CLDN11: variants seen among roughly 807,000 people sequenced by gnomAD.
CLDN11 encodes claudin 11, also known as claudin-11.
CLDN11 carries 1 observed loss-of-function variant against 18.0 expected under a neutral mutation model. The observed-to-expected ratio is 0.06, with a 90% confidence interval of 0.02 to 0.26. The LOEUF is 0.26. CLDN11 is among the 10% of genes least tolerant of loss of function. The pLI, the probability that CLDN11 is intolerant of heterozygous loss-of-function variation, is 1.00. For synonymous variants in CLDN11, 116 were observed against 121.5 expected (o/e 0.96, Z 0.30); for missense variants, 172 against 276.6 (o/e 0.62, Z 2.68).
chr3:170,427,627 A>C (rs1025183616), intron 2 of CLDN11, among the ~76,000 whole-genome samples: 2 of 151,860 alleles, frequency 1.3e-5, no homozygotes, highest in Admixed American at 6.6e-5. Context: ...ATCTCAAAAA[A>C]ACAAAAAACA....
At chr3:170,432,442 G>T in intron 2 of CLDN11, 82 bp from the exon 3 acceptor site, 1 of 1,588,976 alleles carries the variant, frequency 6.3e-7, no homozygotes, top group Non-Finnish European at 8.5e-7. Flanking sequence ...CCACAAGTGT[G>T]TGTATGTGGA....
Position 170,432,878 on chromosome 3 carries a change from G to A in CLDN11, c.*122G>A, listed in dbSNP as rs1327424583. The A allele has an allele frequency of 1.6e-5, 14 of 893,152 alleles. 1 individual carries two copies. Among genetic ancestry groups the A allele is most frequent in the African/African-American group, 1.5e-4 (9 of 59,538 alleles). The allele number at this position is 893,152 out of a possible 1,614,324, so 55.3% of individuals were successfully genotyped here. On this transcript the variant is annotated 3_prime_UTR_variant, in exon 3 of 3. Transcript: ENST00000064724. ...GCTCTAAAGCCAAAGGTCTAGAAAA[G>A]CATCCTGTCTGGCATTTTGTAGTCT...
At position 170,434,468 on chromosome 3, in the gene CLDN11, C is replaced by A. The variant is rs1739086960; in HGVS notation, c.*1712C>A. On this transcript the variant is annotated 3_prime_UTR_variant, in exon 3 of 3. Transcript: ENST00000064724. The stretch of plus-strand genomic sequence containing the variant: ...AGGTATAAAAAGAGAATTAACGAAA[C>A]CTATTTTATTGGATCTTTAAGTAAT... Among the ~76,000 whole-genome samples the A allele has an allele frequency of 6.6e-6, 1 of 152,134 alleles. No homozygotes were observed. Among genetic ancestry groups the A allele is most frequent in the South Asian group, 2.1e-4 (1 of 4,824 alleles).
Position 170,432,766 on chromosome 3 carries a change from C to T in CLDN11, c.*10C>T, listed in dbSNP as rs748540588. On this transcript the variant is annotated 3_prime_UTR_variant, in exon 3 of 3. Transcript: ENST00000064724. Reference sequence around the variant, plus strand: ...GAGTGCCCACGTATAAGAGGGCTGCCCGGCTGCCCACAGAGGTGCTGTAGA... The same window carrying T: ...GAGTGCCCACGTATAAGAGGGCTGCTCGGCTGCCCACAGAGGTGCTGTAGA... The T allele has an allele frequency of 1.2e-6, 2 of 1,613,740 alleles. No individual in the cohort carries two copies. Among genetic ancestry groups the T allele is most frequent in the Admixed American group, 3.3e-5 (2 of 60,024 alleles).
intron 2 of CLDN11, 177 bp downstream of exon 2, chr3:170,423,504 G>T: frequency 1.6e-6 from 1 of 623,064 alleles, no homozygotes; most frequent in Non-Finnish European, 2.8e-6. Context: ...TTACACAGAG[G>T]GCTAAGTAAT....
At chr3:170,422,630 C>T (rs983512862) in intron 1 of CLDN11, among the ~76,000 whole-genome samples, 1 of 152,170 alleles carries the variant, frequency 6.6e-6, no homozygotes, top group African/African-American at 2.4e-5. Context: ...GCCCTGTTGG[C>T]CAGGCTGATC....
At position 170,427,859 on chromosome 3, in the gene CLDN11, GA is replaced by G. The variant is rs565369681; in HGVS notation, c.391+4538del. 5.8e-4 allele frequency among the ~76,000 whole-genome samples: 86 copies of G among 148,978 alleles called. 5 individuals are homozygous for G. The South Asian group carries it at 0.018, about 31-fold the overall frequency. On this transcript the variant is annotated intron_variant, in intron 2 of 2. Transcript: ENST00000064724. ...CTTTCAGTGGGAAGTGACAAAGCTT[GA>G]AAAAAGGTTCACTGGGGCCAGGCAT... is the stretch of plus-strand genomic sequence containing the variant.
At chr3:170,428,140 C>CA (rs34713746) in intron 2 of CLDN11, among the ~76,000 whole-genome samples, 36,609 of 106,596 alleles carry the variant, frequency 0.34, 5,586 homozygotes, top group East Asian at 0.62. Flanking sequence ...GATATCCTAT[C>CA]AAAAAAAAAA....
At chr3:170,421,444 T>G (rs1738723172) in intron 1 of CLDN11, 1 of 190,716 alleles carries the variant, frequency 5.2e-6, no homozygotes. Context: ...AGTAGACACT[T>G]GACTGATTAT....
intron 2 of CLDN11, among the ~76,000 whole-genome samples, chr3:170,429,361 G>GT: frequency 6.6e-6 from 1 of 152,286 alleles, no homozygotes; most frequent in East Asian, 1.9e-4. Flanking sequence ...GCCTTGTTTT[G>GT]TGTGAATTGT....
intron 2 of CLDN11, among the ~76,000 whole-genome samples, 175 bp from the exon 3 acceptor site, chr3:170,432,349 C>T (rs1739020760): frequency 6.6e-6 from 1 of 152,190 alleles, no homozygotes; most frequent in South Asian, 2.1e-4. Context: ...TCTACTTCTT[C>T]TACAGATGCC....
chr3:170,433,886 T>G lies in CLDN11; in HGVS notation c.*1130T>G, dbSNP rs141295233. On this transcript the variant is annotated 3_prime_UTR_variant, in exon 3 of 3. Coordinates refer to ENST00000064724, the MANE Select transcript of CLDN11 (RefSeq NM_005602.6). ...TTTTCATATGCTTCAAACTAACACA[T>G]TTTTAAAGCTTTCCCCCACTTTTCT... 3.8e-3 allele frequency: 578 copies of G among 152,764 alleles called. 3 individuals are homozygous for G. Among genetic ancestry groups the G allele is most frequent in the African/African-American group, 0.013 (538 of 41,588 alleles). 9.5% of individuals were successfully genotyped at this position (152,764 alleles called of 1,614,324 possible).
In CLDN11 at chr3:170,434,011, A is replaced by G. The variant is rs1041312497; in HGVS notation, c.*1255A>G. ...GTGTAAACACTGATGGTATATCAGT[A>G]TCTGAGACCCCAAACTCTCCAAATA... On this transcript the variant is annotated 3_prime_UTR_variant, in exon 3 of 3. Transcript: ENST00000064724. 6.6e-6 allele frequency: 1 copy of G among 152,630 alleles called. No homozygotes were observed. Among genetic ancestry groups the G allele is most frequent in the Admixed American group, 6.5e-5 (1 of 15,278 alleles). 9.5% of individuals were successfully genotyped at this position (152,630 alleles called of 1,614,324 possible). A position where few individuals can be genotyped will look rare whatever the true frequency, so the allele number is the denominator to read the frequency against.
rs1317459200 is a variant in CLDN11, at chr3:170,419,061, GCCACCATGGTGGC to G, written c.-4_9del. The G allele has an allele frequency of 6.5e-7, 1 of 1,547,562 alleles. No homozygotes were observed. Among genetic ancestry groups the G allele is most frequent in the Non-Finnish European group, 8.7e-7 (1 of 1,145,078 alleles). On this transcript the variant is annotated start_lost and 5_prime_UTR_variant, in exon 1 of 3. Coordinates refer to ENST00000064724, the MANE Select transcript of CLDN11 (RefSeq NM_005602.6). This position sits in a 1 kb window ranked among gnomAD's most constrained non-coding sequence, Gnocchi z 8.6. ...GGCGAGGCACGGGGACATCCTGGCG[GCCACCATGGTGGC>G]CACGTGCCTGCAGGTGGTGGGCTTC...
At chr3:170,431,127 T>A (rs745631297) in intron 2 of CLDN11, among the ~76,000 whole-genome samples, 1 of 152,178 alleles carries the variant, frequency 6.6e-6, no homozygotes, top group Non-Finnish European at 1.5e-5. Context: ...AGACCAATCT[T>A]TTTTCCATTT....
chr3:170,431,432 T>TA (rs773765828), intron 2 of CLDN11, among the ~76,000 whole-genome samples: 7 of 152,220 alleles, frequency 4.6e-5, no homozygotes, highest in Non-Finnish European at 1.0e-4. Context: ...TTACTTTGTT[T>TA]AGAGCTGTGT....
intron 1 of CLDN11, chr3:170,421,421 A>C (rs1738722319): frequency 7.3e-6 from 2 of 274,078 alleles, no homozygotes; most frequent in South Asian, 1.4e-4. Flanking sequence ...TCCTTTCTGG[A>C]GATCTTCAAG....
At chr3:170,424,951 G>A (rs1389465836) in intron 2 of CLDN11, among the ~76,000 whole-genome samples, 1 of 152,122 alleles carries the variant, frequency 6.6e-6, no homozygotes, top group East Asian at 1.9e-4. Flanking sequence ...GCGCGCGTGT[G>A]TGTGTGTTAA....
intron 2 of CLDN11, among the ~76,000 whole-genome samples, chr3:170,431,817 T>C (rs1037356092): frequency 6.6e-6 from 1 of 152,222 alleles, no homozygotes; most frequent in Non-Finnish European, 1.5e-5. Flanking sequence ...CCAAGGACTG[T>C]TCATTTGTGT....
Sources: allele counts gnomAD v4.1 joint callset (sites outside exome capture counted in the v4.1 genomes callset), GRCh38; gene constraint gnomAD v4.1.1; non-coding constraint Gnocchi (gnomAD v3.1); transcripts MANE v1.5; gene names NCBI Gene and HGNC (gene_info 2026-07-23, HGNC 2026-07-21).